DHX9: variants seen among roughly 807,000 people sequenced by gnomAD.
DHX9 encodes the protein ATP-dependent RNA helicase A.
A neutral mutation model predicts 148.7 loss-of-function variants in DHX9; 27 were observed. The observed-to-expected ratio is 0.18, with a 90% CI of 0.13 to 0.25. The LOEUF (loss-of-function observed/expected upper bound fraction) is 0.25, where lower values mean the gene tolerates loss of function less well. Ranked by LOEUF, DHX9 falls within the 10% of genes least tolerant of loss-of-function variation. DHX9 has a pLI of 1.00. For synonymous variants in DHX9, 529 were observed against 516.6 expected (o/e 1.02, Z -0.33); for missense variants, 796 against 1,559.6 (o/e 0.51, Z 8.25).
At chr1:182,879,451 A>T (rs755881297) in intron 21 of DHX9, 41 bp downstream of exon 21, 1 of 1,393,110 alleles carries the variant, frequency 7.2e-7, no homozygotes, top group Non-Finnish European at 9.5e-7. Context: ...GATATTAATC[A>T]TACCATCTGT....
At chr1:182,839,522 G>A (rs1404685762) in intron 1 of DHX9, 66 bp downstream of exon 1, 1 of 153,190 alleles carries the variant, frequency 6.5e-6, no homozygotes, top group Admixed American at 6.5e-5. Flanking sequence ...CGTGGACCAT[G>A]GCTCCGCAGC....
At chr1:182,874,048 T>C (rs982058514) in intron 15 of DHX9, among the ~76,000 whole-genome samples, 2 of 152,226 alleles carry the variant, frequency 1.3e-5, no homozygotes, top group East Asian at 1.9e-4. Context: ...TATACTGATA[T>C]GTAAATAAGT....
intron 12 of DHX9, among the ~76,000 whole-genome samples, chr1:182,864,827 G>A (rs1648217454): frequency 6.6e-6 from 1 of 152,118 alleles, no homozygotes; most frequent in Non-Finnish European, 1.5e-5. Context: ...TCTTCCTTGG[G>A]ATTTAAGACG....
chr1:182,853,409 A>G lies in DHX9; in HGVS notation c.468A>G (p.Glu156=), dbSNP rs1668192705. The change falls in exon 5 of 28, where the codon GAA becomes GAG. Residue 156 remains glutamate, a synonymous_variant. Transcript: ENST00000367549. ...KDYYSRKEEQ[E]VQATLESEEV... ...ACTACTCAAGAAAGGAAGAACAAGA[A>G]GTGCAAGCGGTAAGGCCAGCACCGT... 1 of 1,613,706 alleles carries G rather than the reference A, an allele frequency of 6.2e-7. No homozygotes were observed. The highest frequency in any genetic ancestry group is 8.5e-7 in the Non-Finnish European group (1 of 1,179,738).
intron 21 of DHX9, 45 bp downstream of exon 21, chr1:182,879,455 C>T (rs765624963): frequency 1.9e-5 from 26 of 1,382,994 alleles, no homozygotes; most frequent in Non-Finnish European, 2.4e-5. Context: ...TTAATCATAC[C>T]ATCTGTCTTG....
intron 27 of DHX9, among the ~76,000 whole-genome samples, chr1:182,885,464 A>G (rs1649278952): frequency 6.6e-6 from 1 of 152,204 alleles, no homozygotes; most frequent in Non-Finnish European, 1.5e-5. Flanking sequence ...GCATTACCAC[A>G]TTTTACATCA....
At chr1:182,854,969 T>C (rs1012644219) in intron 6 of DHX9, among the ~76,000 whole-genome samples, 1 of 152,168 alleles carries the variant, frequency 6.6e-6, no homozygotes, top group Non-Finnish European at 1.5e-5. Context: ...ACTTATGAAA[T>C]AAATTATCCA....
In DHX9 at chr1:182,872,483, C is replaced by G; in HGVS notation, c.1704C>G (p.Tyr568Ter). ...CPIIEVYGRT[Y>*]PVQEYFLEDC... ...TCATTGAAGTTTATGGGAGGACTTA[C>G]CCAGTTCAAGGTAATATTGTGGGGG... Residue 568 changes from tyrosine (Y) to a stop codon, truncating the protein, a stop_gained, in exon 15 of 28, where the codon TAC (tyrosine) becomes TAG (stop). Transcript: ENST00000367549. LOFTEE classifies it high-confidence loss of function. 6.2e-7 allele frequency: 1 copy of G among 1,613,562 alleles called. No homozygotes were observed. Among genetic ancestry groups the G allele is most frequent in the Non-Finnish European group, 8.5e-7 (1 of 1,179,780 alleles).
At chr1:182,857,427 C>T (rs1322535113) in intron 7 of DHX9, among the ~76,000 whole-genome samples, 2 of 152,184 alleles carry the variant, frequency 1.3e-5, no homozygotes, top group African/African-American at 2.4e-5. Flanking sequence ...CAAACTATAG[C>T]CCTCTGGCCA....
rs1424604666 is a variant in DHX9 at position 182,879,308 on chromosome 1, A to G, written c.2410A>G (p.Ser804Gly). 1.3e-6 allele frequency: 2 copies of G among 1,545,026 alleles called. No individual in the cohort carries two copies. Among genetic ancestry groups the G allele is most frequent in the Non-Finnish European group, 1.8e-6 (2 of 1,129,674 alleles). ...FRTPLHEIAL[S>G]IKLLRLGGIG... The stretch of plus-strand genomic sequence containing the variant: ...AACACCATTGCATGAAATTGCTCTT[A>G]GCATAAAACTTCTGCGTCTAGGAGG... The change falls in exon 21 of 28, where the codon AGC (serine) becomes GGC (glycine). Residue 804 changes from serine to glycine, a missense_variant. Ser to Gly is a moderately conservative substitution (Grantham distance 56). Coordinates refer to ENST00000367549, the MANE Select transcript of DHX9 (RefSeq NM_001357.5).
intron 3 of DHX9, among the ~76,000 whole-genome samples, chr1:182,848,719 G>A (rs1668075826): frequency 6.6e-6 from 1 of 152,200 alleles, no homozygotes; most frequent in Admixed American, 6.5e-5. Context: ...AAAGAAAAGA[G>A]ATTTAATTGG....
chr1:182,868,075 A>G (rs1404544258), intron 14 of DHX9, among the ~76,000 whole-genome samples: 2 of 152,184 alleles, frequency 1.3e-5, no homozygotes, highest in African/African-American at 2.4e-5. Context: ...CAAACACAAG[A>G]CATCACTTCA....
rs568286337 is a variant in DHX9, at chr1:182,879,485, C to A, written c.2512+75C>A. The A allele has an allele frequency of 2.8e-3, 3,589 of 1,288,664 alleles. 5 individuals carry two copies. Among genetic ancestry groups the A allele is most frequent in the Non-Finnish European group, 3.4e-3 (3,309 of 987,056 alleles). The allele number at this position is 1,288,664 out of a possible 1,614,324, so 79.8% of individuals were successfully genotyped here. On this transcript the variant is annotated intron_variant, in intron 21 of 27. Transcript: ENST00000367549. ...GTCTTGTTCTGGCAGATAACACTTA[C>A]AAATGAATCAAGATGATGAAGATGT...
chr1:182,856,618 T>C, intron 7 of DHX9, 40 bp downstream of exon 7: 4 of 1,574,854 alleles, frequency 2.5e-6, no homozygotes, highest in Non-Finnish European at 2.6e-6. Flanking sequence ...AGTCTCTGTA[T>C]AGAGAAGGAA....
chr1:182,842,494 C>T, intron 1 of DHX9, 51 bp from the exon 2 acceptor site: 1 of 1,035,658 alleles, frequency 9.7e-7, no homozygotes, highest in Non-Finnish European at 1.4e-6. Context: ...TTGGTTCCTC[C>T]CAGTTTTTGC....
intron 20 of DHX9, among the ~76,000 whole-genome samples, chr1:182,878,478 T>C (rs1648925429): frequency 6.6e-6 from 1 of 152,176 alleles, no homozygotes; most frequent in South Asian, 2.1e-4. Flanking sequence ...TAACCTCTCT[T>C]GTTTCCTCAG....
Position 182,876,031 on chromosome 1 carries a change from G to A in DHX9, c.1816-19G>A, listed in dbSNP as rs750372551. The A allele has an allele frequency of 6.2e-7, 1 of 1,606,772 alleles. No homozygotes were observed. The highest frequency in any genetic ancestry group is 8.5e-7 in the Non-Finnish European group (1 of 1,174,286). On this transcript the variant is annotated intron_variant, in intron 16 of 27. Coordinates refer to ENST00000367549, the MANE Select transcript of DHX9 (RefSeq NM_001357.5). ...AGTAACTGAGACAATCCAAAAATAT[G>A]TCTCCCTGTTTTTTACAGGCAAATT...
At chr1:182,869,875 C>T (rs1648486344) in intron 14 of DHX9, among the ~76,000 whole-genome samples, 1 of 152,232 alleles carries the variant, frequency 6.6e-6, no homozygotes. Flanking sequence ...CTGGGATTTA[C>T]AGGCATGAGC....
intron 3 of DHX9, among the ~76,000 whole-genome samples, 171 bp from the exon 4 acceptor site, chr1:182,852,062 C>T (rs1668160385): frequency 6.6e-6 from 1 of 152,164 alleles, no homozygotes; most frequent in African/African-American, 2.4e-5. Context: ...ACCAGTTCTT[C>T]ATTGCAGACA....
Sources: allele counts gnomAD v4.1 joint callset (sites outside exome capture counted in the v4.1 genomes callset), GRCh38; gene constraint gnomAD v4.1.1; transcripts MANE v1.5; gene names NCBI Gene and HGNC (gene_info 2026-07-23, HGNC 2026-07-21).